The following TIMM23 variants were observed in gnomAD, a reference collection of about 807,000 sequenced individuals.
TIMM23 encodes the protein translocase of inner mitochondrial membrane 23.
In TIMM23, 19 loss-of-function variants were observed where a neutral mutation model predicts 30.7. The ratio of observed to expected loss-of-function variants is 0.62; its 90% CI spans 0.43 to 0.91. The LOEUF is 0.91. Among genes scored for constraint, TIMM23 ranks in the 40% least tolerant of loss-of-function variants. The pLI is 0.00. For synonymous variants in TIMM23, 78 were observed against 98.5 expected (o/e 0.79, Z 1.23); for missense variants, 202 against 269.2 (o/e 0.75, Z 1.75).
intron 1 of TIMM23, 127 bp downstream of exon 1, chr10:45,972,857 G>C: frequency 6.6e-7 from 1 of 1,517,844 alleles, no homozygotes; most frequent in Non-Finnish European, 8.9e-7. Flanking sequence ...AAGTACCAGT[G>C]GTGGGGTTAG....
chr10:45,975,581 T>C, intron 2 of TIMM23, 69 bp downstream of exon 2: 1 of 1,592,166 alleles, frequency 6.3e-7, no homozygotes, highest in Non-Finnish European at 8.6e-7. Context: ...AGTGCTATGC[T>C]GACTTGAACT....
At position 45,973,841 on chromosome 10, in the gene TIMM23, T is replaced by TG. The variant is rs1303007778; in HGVS notation, c.106+1115dup. Among the ~76,000 whole-genome samples the TG allele has an allele frequency of 3.5e-4, 53 of 151,304 alleles. 1 individual carries two copies. In the South Asian group the frequency reaches 0.011, roughly 32 times the overall value. On this transcript the variant is annotated intron_variant, in intron 1 of 6. Coordinates refer to ENST00000580018, the MANE Select transcript of TIMM23 (RefSeq NM_006327.4). ...TTTTTTTTTTGACTTATTGTGGAGA[T>TG]GGGGTCTCCCTGTGTTGTCCAAGCT...
intron 6 of TIMM23, among the ~76,000 whole-genome samples, chr10:45,993,132 T>C (rs1345380471): frequency 2.0e-5 from 3 of 151,948 alleles, no homozygotes; most frequent in African/African-American, 7.3e-5. Context: ...GATAAATTGC[T>C]AAAAATTAAG....
chr10:45,979,949 A>C (rs1837796046), intron 2 of TIMM23, among the ~76,000 whole-genome samples: 1 of 152,108 alleles, frequency 6.6e-6, no homozygotes, highest in Non-Finnish European at 1.5e-5. Flanking sequence ...ATTCAATATC[A>C]TTGTGGCCCT....
intron 2 of TIMM23, among the ~76,000 whole-genome samples, chr10:45,979,633 T>TTTA (rs1837785383): frequency 7.3e-6 from 1 of 137,096 alleles, no homozygotes; most frequent in Non-Finnish European, 1.6e-5. Flanking sequence ...TTTTTTTTTT[T>TTTA]AAGCATTATG....
chr10:45,973,465 A>G (rs868931856), intron 1 of TIMM23, among the ~76,000 whole-genome samples: 3,447 of 152,248 alleles, frequency 0.023, 122 homozygotes, highest in African/African-American at 0.078. Flanking sequence ...AGCCTTTACG[A>G]AAGTACTTTC....
Position 45,972,540 on chromosome 10 carries a change from T to A in TIMM23, c.-85T>A. The A allele has an allele frequency of 6.6e-7, 1 of 1,513,068 alleles. No individual in the cohort carries two copies. Among genetic ancestry groups the A allele is most frequent in the East Asian group, 2.4e-5 (1 of 42,024 alleles). 93.7% of individuals were successfully genotyped at this position (1,513,068 alleles called of 1,614,324 possible). On this transcript the variant is annotated 5_prime_UTR_variant, in exon 1 of 7. Transcript: ENST00000580018. ...GAAGTAGGCGCTGGCAACGCGGGGT[T>A]ACCCGCTGTTATTGAGGAGTAACGG...
rs1178661262 is a variant in TIMM23 at position 45,978,955 on chromosome 10, TAAA to T, written c.165+3448_165+3450del. Reference sequence around the variant, plus strand: ...CATACAATGGAATATTATTTGGTAATAAAAAAAGAATTATTAAATTGTGCTACA... The same window carrying T: ...CATACAATGGAATATTATTTGGTAATAAAAGAATTATTAAATTGTGCTACA... On this transcript the variant is annotated intron_variant, in intron 2 of 6. Coordinates refer to ENST00000580018, the MANE Select transcript of TIMM23 (RefSeq NM_006327.4). Among the ~76,000 whole-genome samples the T allele has an allele frequency of 2.0e-5, 3 of 152,170 alleles. No individual in the cohort carries two copies. The South Asian group carries it at 6.2e-4, about 32-fold the overall frequency.
At position 45,996,230 on chromosome 10, in the gene TIMM23, T is replaced by C. The variant is rs1554916682; in HGVS notation, c.515-6973T>C. ...CAAAAACATTATCCGGGCATGGTGG[T>C]GGGTGCCTGTAGTCCCAGCTACTAG... On this transcript the variant is annotated intron_variant, in intron 6 of 6. Transcript: ENST00000580018. Among the ~76,000 whole-genome samples, 100 of 143,262 alleles carry C rather than the reference T, an allele frequency of 7.0e-4. 1 individual carries two copies. The East Asian group carries it at 0.015, about 21-fold the overall frequency. 94.0% of individuals were successfully genotyped at this position (143,262 alleles called of 152,430 possible).
At chr10:45,992,141 C>T in intron 6 of TIMM23, among the ~76,000 whole-genome samples, 1 of 152,038 alleles carries the variant, frequency 6.6e-6, no homozygotes, top group East Asian at 1.9e-4. Context: ...TAATTTTTTT[C>T]ATTGTTTCTT....
At position 45,975,497 on chromosome 10, in the gene TIMM23, A is replaced by G; in HGVS notation, c.150A>G (p.Pro50=). 3 of 1,613,812 alleles carry G rather than the reference A, an allele frequency of 1.9e-6. No homozygotes were observed. Among genetic ancestry groups the G allele is most frequent in the Admixed American group, 1.7e-5 (1 of 59,986 alleles). ...NPLSPYLNVD[P]RYLVQDTDEF... ...TGTCTCCTTATTTAAATGTGGATCC[A>G]CGATACCTCGTGCAGGTAAGATTAA... The change falls in exon 2 of 7, where the codon CCA becomes CCG. Residue 50 remains proline, a synonymous_variant. Transcript: ENST00000580018.
At chr10:45,987,780 A>C (rs1838037037) in intron 5 of TIMM23, among the ~76,000 whole-genome samples, 1 of 151,348 alleles carries the variant, frequency 6.6e-6, no homozygotes, top group East Asian at 1.9e-4. Context: ...CATACCAACT[A>C]ATTTTTTTTT....
At position 46,003,243 on chromosome 10, in the gene TIMM23, A is replaced by G; in HGVS notation, c.555A>G (p.Leu185=). 1.2e-6 allele frequency: 2 copies of G among 1,614,164 alleles called. No homozygotes were observed. Among genetic ancestry groups the G allele is most frequent in the South Asian group, 1.1e-5 (1 of 91,082 alleles). The change falls in exon 7 of 7, where the codon CTA becomes CTG. Residue 185 remains leucine (L), a synonymous_variant. Coordinates refer to ENST00000580018, the MANE Select transcript of TIMM23 (RefSeq NM_006327.4). ...RGIARGGLTG[L]TLTSLYALYN... The stretch of plus-strand genomic sequence containing the variant: ...TAGCACGAGGTGGTCTGACAGGACT[A>G]ACACTTACCAGCCTCTATGCACTAT...
intron 2 of TIMM23, among the ~76,000 whole-genome samples, chr10:45,978,513 T>A (rs1837744433): frequency 6.6e-6 from 1 of 152,216 alleles, no homozygotes; most frequent in Non-Finnish European, 1.5e-5. Context: ...GACATTTCTC[T>A]ATGAAGATAT....
At chr10:45,992,523 T>C (rs1838194336) in intron 6 of TIMM23, 1 of 443,972 alleles carries the variant, frequency 2.3e-6, no homozygotes, top group Non-Finnish European at 4.5e-6. Flanking sequence ...AGTAAATGAT[T>C]AGAAGGTAGC....
chr10:45,978,009 G>T (rs1440273373), intron 2 of TIMM23, among the ~76,000 whole-genome samples: 10 of 151,768 alleles, frequency 6.6e-5, no homozygotes, highest in African/African-American at 2.2e-4. Flanking sequence ...TTCAGCCTGG[G>T]CAACAGAGTA....
At chr10:45,975,951 A>G (rs369065176) in intron 2 of TIMM23, among the ~76,000 whole-genome samples, 14,624 of 152,086 alleles carry the variant, frequency 0.096, 692 homozygotes, top group Non-Finnish European at 0.11. Context: ...ACAGGCGCCC[A>G]CCACCACGCC....
At chr10:45,997,591 TG>T (rs1838384223) in intron 6 of TIMM23, among the ~76,000 whole-genome samples, 1 of 152,052 alleles carries the variant, frequency 6.6e-6, no homozygotes, top group Non-Finnish European at 1.5e-5. Context: ...GCAGGAGGAT[TG>T]TTTGAGCCCA....
chr10:45,997,835 G>C (rs893629858), intron 6 of TIMM23, among the ~76,000 whole-genome samples: 1 of 152,036 alleles, frequency 6.6e-6, no homozygotes, highest in Non-Finnish European at 1.5e-5. Flanking sequence ...AGTAGATGTT[G>C]GTAATAGCAC....
Sources: allele counts gnomAD v4.1 joint callset (sites outside exome capture counted in the v4.1 genomes callset), GRCh38; gene constraint gnomAD v4.1.1; transcripts MANE v1.5; gene names NCBI Gene and HGNC (gene_info 2026-07-23, HGNC 2026-07-21).